Variants in TMEM106B observed in about 807,000 individuals in gnomAD.
TMEM106B encodes transmembrane protein 106B.
Under a neutral mutation model 31.1 loss-of-function variants are expected in TMEM106B, and 15 were observed. That is an observed-to-expected ratio of 0.48 (90% CI 0.32 to 0.74). The LOEUF is 0.74. Among genes scored for constraint, TMEM106B ranks in the 30% least tolerant of loss-of-function variants. TMEM106B has a pLI of 0.03. For synonymous variants in TMEM106B, 126 were observed against 112.5 expected (o/e 1.12, Z -0.76); for missense variants, 283 against 327.3 (o/e 0.86, Z 1.04).
At chr7:12,215,617 C>A in intron 2 of TMEM106B, 1 of 373,744 alleles carries the variant, frequency 2.7e-6, no homozygotes, top group Non-Finnish European at 5.7e-6. Context: ...GGAGTTTCCC[C>A]ATGTTTCCCA....
At chr7:12,224,446 C>T (rs1178327878) in intron 4 of TMEM106B, 61 bp downstream of exon 4, 15 of 1,398,804 alleles carry the variant, frequency 1.1e-5, no homozygotes, top group Non-Finnish European at 1.5e-5. Flanking sequence ...TAAGCAGCAC[C>T]TTTGTCCCCA....
At chr7:12,217,920 A>G (rs1032471018) in intron 2 of TMEM106B, among the ~76,000 whole-genome samples, 5 of 152,242 alleles carry the variant, frequency 3.3e-5, no homozygotes, top group Non-Finnish European at 7.4e-5. Context: ...AAGTGACTTT[A>G]ACATGGATTG....
chr7:12,218,438 C>T lies in TMEM106B; in HGVS notation c.218-20C>T. 11 of 1,602,726 alleles carry T rather than the reference C, an allele frequency of 6.9e-6. No homozygotes were observed. The highest frequency in any genetic ancestry group is 9.4e-6 in the Non-Finnish European group (11 of 1,171,388). On this transcript the variant is annotated intron_variant, in intron 2 of 7. Transcript: ENST00000396668. ...TTAACTAATCATAGTAATTTCTGAA[C>T]TTACTTCTTTCACATTTAGGGCAAG...
intron 3 of TMEM106B, among the ~76,000 whole-genome samples, chr7:12,221,103 T>TGTGTGTGTGTGTGA (rs2128525244): frequency 6.6e-6 from 1 of 152,056 alleles, no homozygotes; most frequent in East Asian, 1.9e-4. Context: ...TGTGTGTGTG[T>TGTGTGTGTGTGTGA]GTGTGTGTCT....
rs534010896 is a variant in TMEM106B at position 12,240,132 on chromosome 7, C to T, written c.*8157C>T. ...CTACAATCTCAGTTCACAATCATTTCTTATTGCCCTTCAACAATGTCCTGA... is the reference window on the plus strand; with the variant it reads ...CTACAATCTCAGTTCACAATCATTTTTTATTGCCCTTCAACAATGTCCTGA... On this transcript the variant is annotated 3_prime_UTR_variant, in exon 8 of 8. Transcript: ENST00000396668. The T allele has an allele frequency of 6.6e-6, 1 of 152,172 alleles. No individual in the cohort carries two copies. Among genetic ancestry groups the T allele is most frequent in the East Asian group, 1.9e-4 (1 of 5,176 alleles). 9.4% of individuals were successfully genotyped at this position (152,172 alleles called of 1,614,324 possible). A position where few individuals can be genotyped will look rare whatever the true frequency, so the allele number is the denominator to read the frequency against.
In TMEM106B at chr7:12,224,365, A is replaced by G. The variant is rs1781856835; in HGVS notation, c.421A>G (p.Thr141Ala). 6.2e-7 allele frequency: 1 copy of G among 1,609,878 alleles called. No individual in the cohort carries two copies. The highest frequency in any genetic ancestry group is 8.5e-7 in the Non-Finnish European group (1 of 1,176,748). ...TGTCAGTTATGATGTTCAGAAGCGT[A>G]CAATTTATTTAAATATCACAGTGAG... ...AYVSYDVQKR[T>A]IYLNITNTLN... The change falls in exon 4 of 8, where the codon ACA becomes GCA. Residue 141 changes from threonine to alanine, a missense_variant. By Grantham distance (58) the Thr-to-Ala change is moderately conservative. Transcript: ENST00000396668.
At position 12,218,440 on chromosome 7, in the gene TMEM106B, T is replaced by C; in HGVS notation, c.218-18T>C. 2.5e-6 allele frequency: 4 copies of C among 1,607,492 alleles called. No homozygotes were observed. Among genetic ancestry groups the C allele is most frequent in the Non-Finnish European group, 3.4e-6 (4 of 1,175,482 alleles). On this transcript the variant is annotated intron_variant, in intron 2 of 7. Transcript: ENST00000396668. ...AACTAATCATAGTAATTTCTGAACT[T>C]ACTTCTTTCACATTTAGGGCAAGAA... is the stretch of plus-strand genomic sequence containing the variant.
chr7:12,212,760 C>G (rs1311537670), intron 1 of TMEM106B, among the ~76,000 whole-genome samples: 1 of 152,224 alleles, frequency 6.6e-6, no homozygotes, highest in East Asian at 1.9e-4. Flanking sequence ...AAGCAGGCTC[C>G]TATCAGGCAT....
Position 12,229,755 on chromosome 7 carries a change from A to G in TMEM106B, c.518A>G (p.Lys173Arg). Residue 173 changes from lysine (K) to arginine (R), a missense_variant, in exon 5 of 8, where the codon AAA (lysine) becomes AGA (arginine). Lys to Arg is a conservative substitution (Grantham distance 26). Around this residue, in one of 3 missense-constraint regions of TMEM106B, gnomAD observed 201 missense variants for 211.5 expected, o/e 0.95. Transcript: ENST00000396668. Reference sequence around the variant, plus strand: ...ATCACTGCCCAAGTTCAATTTTCAAAAACAGTTATTGGAAAGGCACGCTTA... The same window carrying G: ...ATCACTGCCCAAGTTCAATTTTCAAGAACAGTTATTGGAAAGGCACGCTTA... ...ENITAQVQFS[K>R]TVIGKARLNN... is the part of the protein sequence containing the mutation. The G allele has an allele frequency of 6.2e-7, 1 of 1,613,472 alleles. No homozygotes were observed. The highest frequency in any genetic ancestry group is 1.3e-5 in the African/African-American group (1 of 75,028).
At chr7:12,225,546 T>C (rs1222341345) in intron 4 of TMEM106B, among the ~76,000 whole-genome samples, 2 of 152,232 alleles carry the variant, frequency 1.3e-5, no homozygotes, top group African/African-American at 2.4e-5. Flanking sequence ...TCCTGAACTT[T>C]TTAATAATCG....
rs567508087 is a variant in TMEM106B at position 12,225,585 on chromosome 7, CATT to C, written c.441+1201_441+1203del. Among the ~76,000 whole-genome samples, 1,070 of 152,286 alleles carry C rather than the reference CATT, an allele frequency of 7.0e-3. 22 individuals are homozygous for C. Among genetic ancestry groups the C allele is most frequent in the African/African-American group, 0.025 (1,039 of 41,558 alleles). ...TTCTAATTGGTGTGAGATGATATCT[CATT>C]GTGGTTTTGATTTGCATTTTTCTGA... On this transcript the variant is annotated intron_variant, in intron 4 of 7. Coordinates refer to ENST00000396668, the MANE Select transcript of TMEM106B (RefSeq NM_001134232.2).
rs894220025 is a variant in TMEM106B, at chr7:12,241,009, G to A, written c.*9034G>A. ...ATATTTTCTAAATAGCACTGAAAAT[G>A]ACAATAGACAAATGTAATTTCTGAT... On this transcript the variant is annotated 3_prime_UTR_variant, in exon 8 of 8. Coordinates refer to ENST00000396668, the MANE Select transcript of TMEM106B (RefSeq NM_001134232.2). The A allele has an allele frequency of 6.6e-6, 1 of 152,098 alleles. No individual in the cohort carries two copies. The highest frequency in any genetic ancestry group is 6.6e-5 in the Admixed American group (1 of 15,262). The allele number at this position is 152,098 out of a possible 1,614,324, so 9.4% of individuals were successfully genotyped here. A position where few individuals can be genotyped will look rare whatever the true frequency, so the allele number is the denominator to read the frequency against.
At chr7:12,223,695 A>G (rs1682534520) in intron 3 of TMEM106B, among the ~76,000 whole-genome samples, 1 of 151,660 alleles carries the variant, frequency 6.6e-6, no homozygotes, top group African/African-American at 2.4e-5. Context: ...TTTAAGCCCA[A>G]AATTTCAGTG....
chr7:12,237,189 C>T lies in TMEM106B; in HGVS notation c.*5214C>T, dbSNP rs1335176638. 2.0e-5 allele frequency: 3 copies of T among 151,860 alleles called. No individual in the cohort carries two copies. The highest frequency in any genetic ancestry group is 2.0e-4 in the Admixed American group (3 of 15,226). The allele number at this position is 151,860 out of a possible 1,614,324, so 9.4% of individuals were successfully genotyped here. A position where few individuals can be genotyped will look rare whatever the true frequency, so the allele number is the denominator to read the frequency against. On this transcript the variant is annotated 3_prime_UTR_variant, in exon 8 of 8. Transcript: ENST00000396668. ...TTTTAATTCAGTTATAACTGTTACT[C>T]TTGTAGTTGTGTATGACGCAATAAA... is the stretch of plus-strand genomic sequence containing the variant.
Position 12,242,914 on chromosome 7 carries a change from T to C in TMEM106B, c.*10939T>C, listed in dbSNP as rs1782258460. The C allele has an allele frequency of 6.6e-6, 1 of 152,140 alleles. No individual in the cohort carries two copies. The highest frequency in any genetic ancestry group is 6.5e-5 in the Admixed American group (1 of 15,270). The allele number at this position is 152,140 out of a possible 1,614,324, so 9.4% of individuals were successfully genotyped here. A position where few individuals can be genotyped will look rare whatever the true frequency, so the allele number is the denominator to read the frequency against. The stretch of plus-strand genomic sequence containing the variant: ...AAAATATTATACATATCTACTGATT[T>C]ATTTATTGCCTATGTACCTATACTA... On this transcript the variant is annotated 3_prime_UTR_variant, in exon 8 of 8. Coordinates refer to ENST00000396668, the MANE Select transcript of TMEM106B (RefSeq NM_001134232.2).
In TMEM106B at chr7:12,241,670, G is replaced by A. The variant is rs1005494215; in HGVS notation, c.*9695G>A. On this transcript the variant is annotated 3_prime_UTR_variant, in exon 8 of 8. Transcript: ENST00000396668. ...CTATCATTGATGGACATTTGGGTTG[G>A]TTCCAAGTCTTTACTATTGTGAACA... 2 of 152,136 alleles carry A rather than the reference G, an allele frequency of 1.3e-5. No individual in the cohort carries two copies. The highest frequency in any genetic ancestry group is 2.9e-5 in the Non-Finnish European group (2 of 68,044). The allele number at this position is 152,136 out of a possible 1,614,324, so 9.4% of individuals were successfully genotyped here.
At chr7:12,214,284 C>G (rs531416060) in intron 1 of TMEM106B, 1 of 152,508 alleles carries the variant, frequency 6.6e-6, no homozygotes, top group Non-Finnish European at 1.5e-5. Context: ...ACTATTCTCT[C>G]TGAAGCCTGC....
At chr7:12,229,623 T>C (rs1021177961) in intron 4 of TMEM106B, 56 bp from the exon 5 acceptor site, 10 of 1,313,168 alleles carry the variant, frequency 7.6e-6, no homozygotes, top group Non-Finnish European at 1.0e-5. Context: ...TAATTTTAAA[T>C]ACATATTTGT....
At chr7:12,230,981 G>T in intron 6 of TMEM106B, 81 bp from the exon 7 acceptor site, 1 of 949,672 alleles carries the variant, frequency 1.1e-6, no homozygotes, top group Non-Finnish European at 1.6e-6. Context: ...TAGCATCTCT[G>T]TTAGCTTTAA....
Sources: gnomAD v4.1 joint callset for allele counts (sites outside exome capture counted in the v4.1 genomes callset) on GRCh38, gnomAD v4.1.1 for gene constraint, gnomAD v4.1.1 regional missense constraint, MANE v1.5 for transcripts, NCBI Gene and HGNC (gene_info 2026-07-23, HGNC 2026-07-21) for gene names.